Variants in ASAP1 observed in about 807,000 individuals in gnomAD.
ASAP1 encodes the protein ArfGAP with SH3 domain, ankyrin repeat and PH domain 1, also known as arf-GAP with SH3 domain, ANK repeat and PH domain-containing protein 1.
Under a neutral mutation model 145.2 loss-of-function variants are expected in ASAP1, and 43 were observed. The ratio of observed to expected loss-of-function variants is 0.30; its 90% CI spans 0.23 to 0.38. The LOEUF is 0.38. ASAP1 is among the 10% of genes least tolerant of loss of function. The probability of loss-of-function intolerance (pLI) is 1.00; values close to 1 mark genes in which losing one functional copy is unlikely to be tolerated. For synonymous variants in ASAP1, 546 were observed against 515.5 expected (o/e 1.06, Z -0.80); for missense variants, 1,018 against 1,355.3 (o/e 0.75, Z 3.91).
chr8:130,060,443 A>G, intron 28 of ASAP1, 136 bp downstream of exon 28: 3 of 1,224,714 alleles, frequency 2.4e-6, no homozygotes, highest in Non-Finnish European at 3.4e-6. Flanking sequence ...ATCCACCATC[A>G]TGCTTGAACC....
At chr8:130,130,610 G>A (rs982480001) in intron 15 of ASAP1, among the ~76,000 whole-genome samples, 1 of 152,130 alleles carries the variant, frequency 6.6e-6, no homozygotes, top group Non-Finnish European at 1.5e-5. Flanking sequence ...TACTTTAAAC[G>A]TCGCTTTGAG....
At chr8:130,091,549 A>T (rs551625424) in intron 25 of ASAP1, among the ~76,000 whole-genome samples, 1 of 152,352 alleles carries the variant, frequency 6.6e-6, no homozygotes, top group South Asian at 2.1e-4. Flanking sequence ...GCTTGCATTT[A>T]TCTGAAGCTC....
intron 2 of ASAP1, among the ~76,000 whole-genome samples, chr8:130,389,597 G>A (rs993649851): frequency 2.6e-5 from 4 of 152,202 alleles, no homozygotes; most frequent in African/African-American, 9.6e-5. Context: ...AGGGTAGAGT[G>A]TGATCCCCTA....
In ASAP1 at chr8:130,258,241, A is replaced by T. The variant is rs138841378; in HGVS notation, c.187-21247T>A. 3.5e-3 allele frequency among the ~76,000 whole-genome samples: 538 copies of T among 152,296 alleles called. 1 individual carries two copies. Among genetic ancestry groups the T allele is most frequent in the African/African-American group, 0.012 (518 of 41,548 alleles). On this transcript the variant is annotated intron_variant, in intron 3 of 29. Coordinates refer to ENST00000518721, the MANE Select transcript of ASAP1 (RefSeq NM_018482.4). Reference sequence around the variant, plus strand: ...GCTTGAGGAGAAAAGTCAATCGTCAACCAGCCCATCCCCTGCAGTCTACCT... The same window carrying T: ...GCTTGAGGAGAAAAGTCAATCGTCATCCAGCCCATCCCCTGCAGTCTACCT...
chr8:130,130,421 C>T (rs1042858309), intron 15 of ASAP1, among the ~76,000 whole-genome samples: 1 of 151,954 alleles, frequency 6.6e-6, no homozygotes, highest in South Asian at 2.1e-4. Context: ...TCATGATAAT[C>T]AGAAAAAGTA....
chr8:130,358,726 C>T lies in ASAP1; in HGVS notation c.60-583G>A, dbSNP rs1193221560. Among the ~76,000 whole-genome samples the T allele has an allele frequency of 7.2e-6, 1 of 139,216 alleles. No homozygotes were observed. Among genetic ancestry groups the T allele is most frequent in the Non-Finnish European group, 1.6e-5 (1 of 63,040 alleles). 91.3% of individuals were successfully genotyped at this position (139,216 alleles called of 152,430 possible). On this transcript the variant is annotated intron_variant, in intron 2 of 29. Transcript: ENST00000518721. The surrounding 1 kb of genome is among the most constrained non-coding windows in gnomAD (Gnocchi z 4.1). ...CCCCCCGGTCCCTCCCCGCCCGCGCCCCGCCCCCGGCCCGGCCCCCGCCCC... is the reference window on the plus strand; with the variant it reads ...CCCCCCGGTCCCTCCCCGCCCGCGCTCCGCCCCCGGCCCGGCCCCCGCCCC...
chr8:130,092,310 G>A (rs1170983256), intron 24 of ASAP1, among the ~76,000 whole-genome samples, 167 bp from the exon 25 acceptor site: 1 of 150,514 alleles, frequency 6.6e-6, no homozygotes, highest in South Asian at 2.1e-4. Flanking sequence ...CACAAGTAGG[G>A]TTTCAAAAAT....
intron 18 of ASAP1, among the ~76,000 whole-genome samples, chr8:130,120,186 T>C (rs1043457426): frequency 2.0e-5 from 3 of 152,190 alleles, no homozygotes; most frequent in Non-Finnish European, 2.9e-5. Flanking sequence ...CAAAGTCCTT[T>C]TTAGGATGGC....
intron 3 of ASAP1, among the ~76,000 whole-genome samples, chr8:130,331,552 T>C (rs1002150058): frequency 7.2e-5 from 11 of 152,166 alleles, no homozygotes; most frequent in African/African-American, 2.4e-4. Flanking sequence ...TTCCTTATTA[T>C]AGTGGAGGAA....
intron 13 of ASAP1, among the ~76,000 whole-genome samples, chr8:130,146,584 G>GT (rs2097631222): frequency 6.6e-6 from 1 of 152,222 alleles, no homozygotes; most frequent in African/African-American, 2.4e-5. Context: ...CCGAAGGCCA[G>GT]TAACAGAAAC....
At chr8:130,151,144 G>A (rs550731117) in intron 13 of ASAP1, among the ~76,000 whole-genome samples, 7 of 152,060 alleles carry the variant, frequency 4.6e-5, no homozygotes, top group East Asian at 1.9e-4. Context: ...AGGCCGAAGC[G>A]GGCAGATCAC....
intron 7 of ASAP1, among the ~76,000 whole-genome samples, chr8:130,181,733 C>T (rs894979077): frequency 2.0e-5 from 3 of 152,276 alleles, no homozygotes; most frequent in East Asian, 1.9e-4. Flanking sequence ...CAGTAGCTGA[C>T]GCTAGTGCTC....
Position 130,167,551 on chromosome 8 carries a change from T to C in ASAP1, c.894A>G (p.Gln298=). The change falls in exon 11 of 30, where the codon CAA becomes CAG. Residue 298 remains glutamine, a synonymous_variant. Coordinates refer to ENST00000518721, the MANE Select transcript of ASAP1 (RefSeq NM_018482.4). Reference sequence around the variant, plus strand: ...AACCACTTACTTCTTTCTGATCCAGTTGAAGAGAGGATTTTATTAAGTCTC... The same window carrying C: ...AACCACTTACTTCTTTCTGATCCAGCTGAAGAGAGGATTTTATTAAGTCTC... ...ALRDLIKSSL[Q]LDQKEDSQSR... is the part of the protein sequence containing the mutation. 1.2e-6 allele frequency: 2 copies of C among 1,613,752 alleles called. No homozygotes were observed. The highest frequency in any genetic ancestry group is 1.7e-6 in the Non-Finnish European group (2 of 1,179,668).
chr8:130,238,255 T>C (rs1186733902), intron 3 of ASAP1, among the ~76,000 whole-genome samples: 2 of 152,142 alleles, frequency 1.3e-5, no homozygotes, highest in Non-Finnish European at 2.9e-5. Context: ...AGGACCACAA[T>C]GCTCAGTCGC....
intron 5 of ASAP1, among the ~76,000 whole-genome samples, chr8:130,192,583 G>A (rs1815214735): frequency 6.6e-6 from 1 of 152,094 alleles, no homozygotes; most frequent in Admixed American, 6.5e-5. Flanking sequence ...ATGGATGGTG[G>A]GTAAGTAAGG....
chr8:130,434,687 G>A (rs950467975), intron 1 of ASAP1, among the ~76,000 whole-genome samples: 2 of 152,162 alleles, frequency 1.3e-5, no homozygotes, highest in African/African-American at 4.8e-5. Flanking sequence ...CCACTGGCCA[G>A]AGGAGGAGCC....
intron 3 of ASAP1, among the ~76,000 whole-genome samples, chr8:130,282,439 T>G (rs1821307813): frequency 6.6e-6 from 1 of 152,210 alleles, no homozygotes; most frequent in Non-Finnish European, 1.5e-5. Context: ...CAAATCAAAA[T>G]ATTTTTGAAA....
At chr8:130,439,707 A>G (rs1438722621) in intron 1 of ASAP1, among the ~76,000 whole-genome samples, 1 of 152,252 alleles carries the variant, frequency 6.6e-6, no homozygotes, top group Non-Finnish European at 1.5e-5. Context: ...ATGAGTAGCA[A>G]TTAGCCTGGG....
At chr8:130,300,946 C>T (rs957597973) in intron 3 of ASAP1, among the ~76,000 whole-genome samples, 1 of 152,134 alleles carries the variant, frequency 6.6e-6, no homozygotes, top group Admixed American at 6.5e-5. Context: ...GAGGCCCTCC[C>T]TCATTGCCAT....
Sources: gnomAD v4.1 joint callset for allele counts (sites outside exome capture counted in the v4.1 genomes callset) on GRCh38, gnomAD v4.1.1 for gene constraint, Gnocchi (gnomAD v3.1) non-coding constraint, MANE v1.5 for transcripts, NCBI Gene and HGNC (gene_info 2026-07-23, HGNC 2026-07-21) for gene names.